The following DONSON variants were observed in gnomAD, a reference collection of about 807,000 sequenced individuals.
The protein encoded by DONSON is DNA replication fork stabilization factor DONSON.
Under a neutral mutation model 62.1 loss-of-function variants are expected in DONSON, and 43 were observed. That is an observed-to-expected ratio of 0.69 (90% CI 0.54 to 0.89). The LOEUF is 0.89. Ranked by LOEUF, DONSON falls within the 40% of genes least tolerant of loss-of-function variation. DONSON has a pLI of 0.00. For missense variants in DONSON, 696 were observed against 697.5 expected (o/e 1.00, Z 0.03); for synonymous variants, 266 against 264.6 (o/e 1.01, Z -0.05).
chr21:33,578,455 G>A lies in DONSON; in HGVS notation c.1564-11C>T. ...CTTATGAACAACCTCCTGTGGAAAT[G>A]TGTGTACAAGTCAGTAAAAAGCACA... is the stretch of plus-strand genomic sequence containing the variant. On this transcript the variant is annotated splice_polypyrimidine_tract_variant and intron_variant, in intron 9 of 9. Transcript: ENST00000303071. The A allele has an allele frequency of 3.1e-6, 5 of 1,610,332 alleles. No homozygotes were observed. Among genetic ancestry groups the A allele is most frequent in the Non-Finnish European group, 4.2e-6 (5 of 1,178,052 alleles).
At chr21:33,583,272 T>A (rs1342599928) in intron 5 of DONSON, among the ~76,000 whole-genome samples, 1 of 144,814 alleles carries the variant, frequency 6.9e-6, no homozygotes, top group Non-Finnish European at 1.5e-5. Context: ...ACCATCCTCC[T>A]CACTGCCCAT....
At chr21:33,580,664 A>G (rs753909690) in intron 8 of DONSON, among the ~76,000 whole-genome samples, 90 of 151,354 alleles carry the variant, frequency 5.9e-4, no homozygotes, top group Non-Finnish European at 6.5e-4. Flanking sequence ...ATAATTTAAA[A>G]AGAGGCCAGG....
At chr21:33,578,888 A>G (rs1354354442) in intron 9 of DONSON, among the ~76,000 whole-genome samples, 2 of 152,156 alleles carry the variant, frequency 1.3e-5, no homozygotes, top group East Asian at 1.9e-4. Context: ...TGTAATCCCA[A>G]CATTTTGGGA....
At position 33,579,455 on chromosome 21, in the gene DONSON, C is replaced by T. The variant is rs200678291; in HGVS notation, c.1458G>A (p.Met486Ile). The T allele has an allele frequency of 1.2e-6, 2 of 1,614,226 alleles. No individual in the cohort carries two copies. Among genetic ancestry groups the T allele is most frequent in the South Asian group, 1.1e-5 (1 of 91,082 alleles). The change falls in exon 9 of 10, where the codon ATG becomes ATA. Residue 486 changes from methionine to isoleucine, a missense_variant. Coordinates refer to ENST00000303071, the MANE Select transcript of DONSON (RefSeq NM_017613.4). The part of the protein sequence containing the change: ...IMPHSLHSLT[M>I]LLKSSQSGSF... ...ATCCACTCTGTGAAGATTTGAGCAG[C>T]ATGGTCAGTGAATGCAGAGAATGAG...
Position 33,583,565 on chromosome 21 carries a change from C to G in DONSON, c.887G>C (p.Gly296Ala), listed in dbSNP as rs1363072955. The part of the protein sequence containing the change: ...YQFTVLFRAA[G>A]LAGSDLITAL... ...TGTGATTAAGTCACTTCCAGCTAATCCTGCTGCTCGGAACAGGACAGTAAA... is the reference window on the plus strand; with the variant it reads ...TGTGATTAAGTCACTTCCAGCTAATGCTGCTGCTCGGAACAGGACAGTAAA... The change falls in exon 5 of 10, where the codon GGA becomes GCA. Residue 296 changes from glycine (G) to alanine (A), a missense_variant. Coordinates refer to ENST00000303071, the MANE Select transcript of DONSON (RefSeq NM_017613.4). The G allele has an allele frequency of 3.7e-6, 6 of 1,613,944 alleles. No homozygotes were observed. Among genetic ancestry groups the G allele is most frequent in the Non-Finnish European group, 5.1e-6 (6 of 1,180,008 alleles).
chr21:33,578,117 C>CT lies in DONSON; in HGVS notation c.*189dup. On this transcript the variant is annotated 3_prime_UTR_variant, in exon 10 of 10. Coordinates refer to ENST00000303071, the MANE Select transcript of DONSON (RefSeq NM_017613.4). ...GATATAGATATCTCATTTGAGTTATCTGAGTTTTTCATCTTTATATCTAAA... is the reference window on the plus strand; with the variant it reads ...GATATAGATATCTCATTTGAGTTATCTTGAGTTTTTCATCTTTATATCTAAA... The CT allele has an allele frequency of 1.8e-6, 1 of 565,226 alleles. No individual in the cohort carries two copies. Among genetic ancestry groups the CT allele is most frequent in the Non-Finnish European group, 3.0e-6 (1 of 336,986 alleles). 35.0% of individuals were successfully genotyped at this position (565,226 alleles called of 1,614,324 possible).
Position 33,586,132 on chromosome 21 carries a change from G to A in DONSON, c.452C>T (p.Thr151Ile). 2 of 1,614,146 alleles carry A rather than the reference G, an allele frequency of 1.2e-6. No homozygotes were observed. The highest frequency in any genetic ancestry group is 8.5e-7 in the Non-Finnish European group (1 of 1,180,028). The change falls in exon 3 of 10, where the codon ACT (threonine) becomes ATT (isoleucine). Residue 151 changes from threonine to isoleucine, a missense_variant. Transcript: ENST00000303071. The part of the protein sequence containing the change: ...SEPDIPSSKS[T>I]ELPVDWSIKT... ...AATACTCCAGTCCACAGGTAACTCA[G>A]TACTTTTTGAGGACGGAATATCAGG...
At chr21:33,579,215 C>T in intron 9 of DONSON, 135 bp downstream of exon 9, 1 of 592,414 alleles carries the variant, frequency 1.7e-6, no homozygotes. Context: ...TTATTCCTTC[C>T]TCTAGTAATT....
chr21:33,578,895 G>A (rs2086468426), intron 9 of DONSON, among the ~76,000 whole-genome samples: 1 of 152,178 alleles, frequency 6.6e-6, no homozygotes. Flanking sequence ...CCAACATTTT[G>A]GGAGGCCAAG....
intron 3 of DONSON, among the ~76,000 whole-genome samples, chr21:33,585,148 C>T (rs2086563062): frequency 6.6e-6 from 1 of 152,108 alleles, no homozygotes; most frequent in African/African-American, 2.4e-5. Flanking sequence ...ACAAATCATC[C>T]TAATCTATTT....
intron 8 of DONSON, 130 bp from the exon 9 acceptor site, chr21:33,579,692 C>T (rs2086483592): frequency 1.4e-6 from 1 of 693,928 alleles, no homozygotes; most frequent in Admixed American, 2.9e-5. Flanking sequence ...AACTATTTCC[C>T]AAGACATCTA....
chr21:33,577,603 CTACACACACACACACACACACACACACA>C lies in DONSON; in HGVS notation c.*676_*703del, dbSNP rs2086433631. The stretch of plus-strand genomic sequence containing the variant: ...AAAATGTGAATTATACAGTCCCCCC[CTACACACACACACACACACACACACACA>C]CACACACACACACACACACACACAC... On this transcript the variant is annotated 3_prime_UTR_variant, in exon 10 of 10. Coordinates refer to ENST00000303071, the MANE Select transcript of DONSON (RefSeq NM_017613.4). 1.2e-4 allele frequency: 6 copies of C among 51,718 alleles called. No individual in the cohort carries two copies. Among genetic ancestry groups the C allele is most frequent in the African/African-American group, 3.8e-4 (5 of 13,332 alleles). 3.2% of individuals were successfully genotyped at this position (51,718 alleles called of 1,614,324 possible).
At chr21:33,586,907 T>C (rs1185950381) in intron 2 of DONSON, among the ~76,000 whole-genome samples, 1 of 152,186 alleles carries the variant, frequency 6.6e-6, no homozygotes, top group African/African-American at 2.4e-5. Context: ...CTCAAAGTGT[T>C]GGGATTACAG....
Position 33,579,432 on chromosome 21 carries a change from CCA to C in DONSON, c.1479_1480del (p.Ser493ArgfsTer17). The stretch of plus-strand genomic sequence containing the variant: ...TGGATACAGTACTGCAGAGAAAGAT[CCA>C]CTCTGTGAAGATTTGAGCAGCATGG... On this transcript the variant is annotated frameshift_variant, in exon 9 of 10. Coordinates refer to ENST00000303071, the MANE Select transcript of DONSON (RefSeq NM_017613.4). LOFTEE classifies it high-confidence loss of function. 2.5e-6 allele frequency: 4 copies of C among 1,614,110 alleles called. No homozygotes were observed. The highest frequency in any genetic ancestry group is 3.4e-6 in the Non-Finnish European group (4 of 1,180,002).
intron 4 of DONSON, among the ~76,000 whole-genome samples, chr21:33,584,025 T>TATATATATATATATATATAC (rs2086548375): frequency 7.0e-6 from 1 of 143,128 alleles, no homozygotes; most frequent in Non-Finnish European, 1.5e-5. Flanking sequence ...TATATATATA[T>TATATATATATATATATATAC]ATATATATAT....
At chr21:33,581,149 CTTATA>C in intron 8 of DONSON, 148 bp downstream of exon 8, 2 of 628,388 alleles carry the variant, frequency 3.2e-6, no homozygotes, top group African/African-American at 1.8e-5. Context: ...ATATAACTGT[CTTATA>C]TAATTTTTGT....
At chr21:33,587,061 AT>A (rs1220983333) in intron 2 of DONSON, among the ~76,000 whole-genome samples, 1 of 152,208 alleles carries the variant, frequency 6.6e-6, no homozygotes, top group African/African-American at 2.4e-5. Context: ...GCCTGTTCCC[AT>A]TAGGACAAAC....
intron 3 of DONSON, 118 bp downstream of exon 3, chr21:33,585,860 G>T: frequency 3.1e-6 from 3 of 964,188 alleles, no homozygotes; most frequent in Non-Finnish European, 4.7e-6. Context: ...TCCTGTCTTT[G>T]TATCTTTAAA....
At chr21:33,584,507 G>T in intron 4 of DONSON, 83 bp downstream of exon 4, 1 of 1,311,300 alleles carries the variant, frequency 7.6e-7, no homozygotes, top group Non-Finnish European at 1.0e-6. Context: ...TGCCATTAAC[G>T]TATCCAGTCA....
Sources: gnomAD v4.1 joint callset for allele counts (sites outside exome capture counted in the v4.1 genomes callset) on GRCh38, gnomAD v4.1.1 for gene constraint, MANE v1.5 for transcripts, NCBI Gene and HGNC (gene_info 2026-07-23, HGNC 2026-07-21) for gene names.